Variants in NOL4L observed in about 807,000 individuals in gnomAD.
NOL4L encodes nucleolar protein 4-like.
Under a neutral mutation model 64.5 loss-of-function variants are expected in NOL4L, and 7 were observed. The ratio of observed to expected loss-of-function variants is 0.11; its 90% CI spans 0.06 to 0.20. The LOEUF (loss-of-function observed/expected upper bound fraction) is 0.20. Among genes scored for constraint, NOL4L ranks in the 10% least tolerant of loss-of-function variants. NOL4L has a pLI of 1.00. For missense variants in NOL4L, 680 were observed against 967.1 expected (o/e 0.70, Z 3.94); for synonymous variants, 413 against 401.0 (o/e 1.03, Z -0.36).
At chr20:32,527,043 A>G in intron 2 of NOL4L, among the ~76,000 whole-genome samples, 1 of 151,938 alleles carries the variant, frequency 6.6e-6, no homozygotes, top group Non-Finnish European at 1.5e-5. Context: ...TTTTGCCCTT[A>G]TGCCTCCCCA....
At chr20:32,481,972 G>GGT (rs1367351552) in intron 4 of NOL4L, among the ~76,000 whole-genome samples, 5 of 149,022 alleles carry the variant, frequency 3.4e-5, no homozygotes, top group Admixed American at 6.6e-5. Context: ...GGCGGGGGGG[G>GGT]GGGAGCAGGC....
chr20:32,526,335 A>C (rs2018131167), intron 2 of NOL4L, among the ~76,000 whole-genome samples: 1 of 151,996 alleles, frequency 6.6e-6, no homozygotes, highest in Non-Finnish European at 1.5e-5. Flanking sequence ...TCACTTCCCA[A>C]AGCACACAGA....
At chr20:32,448,001 G>A (rs555481544) in intron 10 of NOL4L, among the ~76,000 whole-genome samples, 185 bp from the exon 11 acceptor site, 10 of 152,294 alleles carry the variant, frequency 6.6e-5, no homozygotes, top group Admixed American at 1.3e-4. Context: ...GCCTGCGGGC[G>A]ACAGGGTTCT....
intron 4 of NOL4L, among the ~76,000 whole-genome samples, chr20:32,477,372 C>G (rs970212994): frequency 6.6e-6 from 1 of 152,226 alleles, no homozygotes; most frequent in Non-Finnish European, 1.5e-5. Context: ...GGACTGGACA[C>G]GCCCTCCTAA....
rs1167217338 is a variant in NOL4L, at chr20:32,488,790, CCTTTCTTTCTTTCTTTTT to C, written c.700-14066_700-14049del. 5.5e-3 allele frequency among the ~76,000 whole-genome samples: 218 copies of C among 39,740 alleles called. 17 individuals are homozygous for C. The highest frequency in any genetic ancestry group is 0.01 in the Middle Eastern group (1 of 96). 26.1% of individuals were successfully genotyped at this position (39,740 alleles called of 152,430 possible). On this transcript the variant is annotated intron_variant, in intron 4 of 10. Coordinates refer to ENST00000621426, the MANE Select transcript of NOL4L (RefSeq NM_001256798.2). The stretch of plus-strand genomic sequence containing the variant: ...TCCTTCCTTCCTTCCTTCCTTCCTT[CCTTTCTTTCTTTCTTTTT>C]CTTTCTTTCTTTCTTTCTTTTTCTT...
chr20:32,462,101 G>C (rs1368485060), intron 5 of NOL4L, among the ~76,000 whole-genome samples: 1 of 152,202 alleles, frequency 6.6e-6, no homozygotes, highest in African/African-American at 2.4e-5. Context: ...CTGGGAAGGT[G>C]CTCTCTACCT....
intron 4 of NOL4L, among the ~76,000 whole-genome samples, chr20:32,477,730 T>G (rs1445802065): frequency 1.3e-5 from 2 of 152,210 alleles, no homozygotes; most frequent in Non-Finnish European, 2.9e-5. Context: ...TGCCCTGCAA[T>G]GCCTCCCTCC....
At chr20:32,510,236 G>A (rs1568670230) in intron 4 of NOL4L, 5 of 350,968 alleles carry the variant, frequency 1.4e-5, no homozygotes, top group South Asian at 8.7e-5. Flanking sequence ...CAGTTCTACC[G>A]CTCAGAGCAA....
At chr20:32,548,614 C>T (rs948724051) in intron 1 of NOL4L, 4 of 276,294 alleles carry the variant, frequency 1.4e-5, no homozygotes, top group Non-Finnish European at 2.2e-5. Context: ...GGTCATCACA[C>T]GAATGGCTCA....
At chr20:32,531,539 G>C (rs1441763006) in intron 1 of NOL4L, among the ~76,000 whole-genome samples, 2 of 152,080 alleles carry the variant, frequency 1.3e-5, no homozygotes, top group Non-Finnish European at 2.9e-5. Flanking sequence ...TTTTAGGAGA[G>C]ATGGCGTTTC....
rs2145426503 is a variant in NOL4L, at chr20:32,452,252, T to C, written c.1806A>G (p.Thr602=). ...CCGACTCACCATTACTGTGGTTTCC[T>C]GTTTGGAGGGAGGCAGGGGGCTGCA... is the stretch of plus-strand genomic sequence containing the variant. The part of the protein sequence containing the change: ...SNLQPPASLQ[T]GNHSNGPTDL... The change falls in exon 10 of 11, where the codon ACA becomes ACG. Residue 602 remains threonine (T), a synonymous_variant. Coordinates refer to ENST00000621426, the MANE Select transcript of NOL4L (RefSeq NM_001256798.2). 5 of 1,566,784 alleles carry C rather than the reference T, an allele frequency of 3.2e-6. No individual in the cohort carries two copies. The highest frequency in any genetic ancestry group is 1.7e-4 in the Middle Eastern group (1 of 5,814).
At chr20:32,496,154 T>A (rs2016680993) in intron 4 of NOL4L, among the ~76,000 whole-genome samples, 1 of 151,970 alleles carries the variant, frequency 6.6e-6, no homozygotes, top group South Asian at 2.1e-4. Flanking sequence ...CAGGCATAGC[T>A]CCCCCTTACT....
At position 32,463,819 on chromosome 20, in the gene NOL4L, C is replaced by T. The variant is rs1311809361; in HGVS notation, c.842-7424G>A. On this transcript the variant is annotated intron_variant, in intron 5 of 10. Transcript: ENST00000621426. This position sits in a 1 kb window ranked among gnomAD's most constrained non-coding sequence, Gnocchi z 5.8. ...GCTCTGGGGCCCACAGCCAGTGGCACCCTCTCCCGGTGGGCGACTCCCACC... is the reference window on the plus strand; with the variant it reads ...GCTCTGGGGCCCACAGCCAGTGGCATCCTCTCCCGGTGGGCGACTCCCACC... 6.6e-6 allele frequency among the ~76,000 whole-genome samples: 1 copy of T among 152,196 alleles called. No individual in the cohort carries two copies. The highest frequency in any genetic ancestry group is 1.5e-5 in the Non-Finnish European group (1 of 68,016).
rs537270565 is a variant in NOL4L at position 32,498,247 on chromosome 20, C to T, written c.699+13100G>A. 2.6e-5 allele frequency among the ~76,000 whole-genome samples: 4 copies of T among 152,272 alleles called. No individual in the cohort carries two copies. The East Asian group carries it at 7.7e-4, about 29-fold the overall frequency. Reference sequence around the variant, plus strand: ...GAAAAGACACAGACCTCTCCCAGCTCAGGTTGCCCTCACAAAACAGAGGAA... The same window carrying T: ...GAAAAGACACAGACCTCTCCCAGCTTAGGTTGCCCTCACAAAACAGAGGAA... On this transcript the variant is annotated intron_variant, in intron 4 of 10. Coordinates refer to ENST00000621426, the MANE Select transcript of NOL4L (RefSeq NM_001256798.2).
intron 1 of NOL4L, among the ~76,000 whole-genome samples, chr20:32,569,365 T>C (rs1319580535): frequency 6.6e-6 from 1 of 152,136 alleles, no homozygotes; most frequent in Non-Finnish European, 1.5e-5. Context: ...CAGGAGAGTT[T>C]TGAACAGAGA....
At chr20:32,578,305 T>A (rs1980257359) in intron 1 of NOL4L, among the ~76,000 whole-genome samples, 1 of 152,176 alleles carries the variant, frequency 6.6e-6, no homozygotes, top group South Asian at 2.1e-4. Flanking sequence ...GTTCTTGTTC[T>A]AATAAGCCAC....
At chr20:32,491,512 CT>C (rs1042679158) in intron 4 of NOL4L, among the ~76,000 whole-genome samples, 4 of 152,216 alleles carry the variant, frequency 2.6e-5, no homozygotes, top group Admixed American at 2.0e-4. Flanking sequence ...GCCATTCGCT[CT>C]GAGGGCTGGG....
intron 1 of NOL4L, among the ~76,000 whole-genome samples, chr20:32,538,882 G>A (rs1281314655): frequency 2.6e-5 from 4 of 152,206 alleles, no homozygotes; most frequent in East Asian, 3.9e-4. Flanking sequence ...GGAGATGTTC[G>A]TACCTTCTGA....
intron 5 of NOL4L, among the ~76,000 whole-genome samples, chr20:32,462,903 T>TTAAAAA (rs1555790668): frequency 1.3e-5 from 1 of 76,668 alleles, no homozygotes; most frequent in African/African-American, 4.8e-5. Flanking sequence ...GACTCTGTCT[T>TTAAAAA]AAAAAAAAAA....
Sources: allele counts gnomAD v4.1 joint callset (sites outside exome capture counted in the v4.1 genomes callset), GRCh38; gene constraint gnomAD v4.1.1; non-coding constraint Gnocchi (gnomAD v3.1); transcripts MANE v1.5; gene names NCBI Gene and HGNC (gene_info 2026-07-23, HGNC 2026-07-21).